SCML1: variants seen among roughly 807,000 people sequenced by gnomAD.
The protein encoded by SCML1 is sex comb on midleg-like protein 1.
For synonymous variants in SCML1, 104 were observed against 103.6 expected, an observed-to-expected ratio of 1.00 and a Z score of -0.02; for missense variants, 137 against 258.1, an observed-to-expected ratio of 0.53 and a Z score of 3.22.
intron 7 of SCML1, among the ~76,000 whole-genome samples, chrX:17,752,784 C>G (rs2066724555): frequency 9.0e-6 from 1 of 111,526 alleles, no homozygotes; most frequent in Admixed American, 9.5e-5. Context: ...GTTTTAGCAT[C>G]TAATTAGTTT....
Position 17,744,125 on chromosome X carries a change from A to G in SCML1, c.-62A>G, listed in dbSNP as rs2066623927. On this transcript the variant is annotated 5_prime_UTR_variant, in exon 2 of 8. Coordinates refer to ENST00000380041, the MANE Select transcript of SCML1 (RefSeq NM_001037540.3). ...AAGCAGTATCACAAATAAACCCTCC[A>G]GCAAGTTTAAAAATAATTAGGTCCA... is the stretch of plus-strand genomic sequence containing the variant. 3 of 1,023,647 alleles carry G rather than the reference A, an allele frequency of 2.9e-6. No homozygotes were observed. Among genetic ancestry groups the G allele is most frequent in the Non-Finnish European group, 4.1e-6 (3 of 728,170 alleles). The allele number at this position is 1,023,647 out of a possible 1,213,427, so 84.4% of individuals were successfully genotyped here. A position where few individuals can be genotyped will look rare whatever the true frequency, so the allele number is the denominator to read the frequency against.
intron 5 of SCML1, 153 bp from the exon 6 acceptor site, chrX:17,749,741 T>C: frequency 1.8e-6 from 1 of 550,665 alleles, no homozygotes; most frequent in Non-Finnish European, 2.9e-6. Context: ...ACAATTAAAA[T>C]GTAGGATTGA....
rs140657854 is a variant in SCML1, at chrX:17,745,335, G to A, written c.34-121G>A. On this transcript the variant is annotated intron_variant, in intron 2 of 7. Transcript: ENST00000380041. Reference sequence around the variant, plus strand: ...GTCATAGTATTTACAGTGAGCAAAGGTCCTTTGATATCACAAATAGGCCTT... The same window carrying A: ...GTCATAGTATTTACAGTGAGCAAAGATCCTTTGATATCACAAATAGGCCTT... 9.8e-3 allele frequency: 4,620 copies of A among 471,679 alleles called. 146 individuals carry two copies. Among genetic ancestry groups the A allele is most frequent in the African/African-American group, 0.093 (3,760 of 40,421 alleles). 38.9% of individuals were successfully genotyped at this position (471,679 alleles called of 1,213,427 possible).
chrX:17,751,089 A>G, intron 6 of SCML1, among the ~76,000 whole-genome samples: 1 of 112,520 alleles, frequency 8.9e-6, no homozygotes, highest in South Asian at 3.7e-4. Flanking sequence ...CTCTATTACT[A>G]TGCAATTAAA....
chrX:17,745,348 A>C, intron 2 of SCML1, 108 bp from the exon 3 acceptor site: 1 of 486,898 alleles, frequency 2.1e-6, no homozygotes, highest in Non-Finnish European at 3.6e-6. Flanking sequence ...CTTTGATATC[A>C]CAAATAGGCC....
chrX:17,751,329 G>A (rs1244672368), intron 6 of SCML1, among the ~76,000 whole-genome samples: 1 of 111,944 alleles, frequency 8.9e-6, no homozygotes, highest in Admixed American at 9.4e-5. Flanking sequence ...TGATTAAAAG[G>A]AACAAATTTA....
In SCML1 at chrX:17,739,012, G is replaced by T. The variant is rs747504699; in HGVS notation, c.-117+1332G>T. Among the ~76,000 whole-genome samples the T allele has an allele frequency of 4.4e-5, 5 of 112,432 alleles. No individual in the cohort carries two copies. The East Asian group carries it at 8.3e-4, about 19-fold the overall frequency. Reference sequence around the variant, plus strand: ...GTTTAAATTTCTGTGGTAAATACAAGTGAGTTTCATTTTAAGTAAACTCAT... The same window carrying T: ...GTTTAAATTTCTGTGGTAAATACAATTGAGTTTCATTTTAAGTAAACTCAT... On this transcript the variant is annotated intron_variant, in intron 1 of 7. Coordinates refer to ENST00000380041, the MANE Select transcript of SCML1 (RefSeq NM_001037540.3).
rs749205560 is a variant in SCML1, at chrX:17,751,840, C to T, written c.729C>T (p.Asp243=). The change falls in exon 7 of 8, where the codon GAC becomes GAT. Residue 243 remains aspartate, a synonymous_variant. Coordinates refer to ENST00000380041, the MANE Select transcript of SCML1 (RefSeq NM_001037540.3). ...PSVTRSPVEN[D]GYIEEGSITK... ...TTACAAGGTCACCAGTTGAAAATGA[C>T]GGTTACATAGAGGAAGGAAGCATCA... 9.9e-6 allele frequency: 12 copies of T among 1,208,265 alleles called. No homozygotes were observed. The African/African-American group carries it at 1.8e-4, about 18-fold the overall frequency.
intron 4 of SCML1, among the ~76,000 whole-genome samples, chrX:17,747,552 T>C (rs2066654273): frequency 8.9e-6 from 1 of 111,959 alleles, no homozygotes. Context: ...AGCCCTTCCA[T>C]GCATCCTCAC....
chrX:17,743,983 A>G (rs2147168125), intron 1 of SCML1, 88 bp from the exon 2 acceptor site: 4 of 331,852 alleles, frequency 1.2e-5, no homozygotes, highest in Middle Eastern at 4.2e-4. Flanking sequence ...CCAAAGTCCA[A>G]TTCTATTTGA....
chrX:17,745,478 A>G lies in SCML1; in HGVS notation c.56A>G (p.Tyr19Cys). The G allele has an allele frequency of 8.5e-7, 1 of 1,175,256 alleles. No individual in the cohort carries two copies. Among genetic ancestry groups the G allele is most frequent in the Non-Finnish European group, 1.2e-6 (1 of 866,991 alleles). The change falls in exon 3 of 8, where the codon TAC (tyrosine) becomes TGC (cysteine). Residue 19 changes from tyrosine (Y) to cysteine (C), a missense_variant. Transcript: ENST00000380041. ...CAGATAAAAACAAGAATACCTACTT[A>G]CGATGAAGATGACAACACTATTCTT... ...IDVIKTRIPT[Y>C]DEDDNTILYA...
At chrX:17,746,948 T>C (rs2066648014) in intron 4 of SCML1, among the ~76,000 whole-genome samples, 1 of 112,286 alleles carries the variant, frequency 8.9e-6, no homozygotes, top group Non-Finnish European at 1.9e-5. Context: ...AGGGGCTGGC[T>C]CTTTCTTCCC....
At position 17,740,439 on chromosome X, in the gene SCML1, A is replaced by G. The variant is rs2066583992; in HGVS notation, c.-117+2759A>G. 2.7e-5 allele frequency among the ~76,000 whole-genome samples: 3 copies of G among 111,236 alleles called. No individual in the cohort carries two copies. In the Admixed American group the frequency reaches 2.8e-4, roughly 11 times the overall value. ...TGCCATGCATTACTCTAAGCACTTG[A>G]CATGTATTAATTTAATCCTCACGAT... On this transcript the variant is annotated intron_variant, in intron 1 of 7. Transcript: ENST00000380041.
chrX:17,742,991 G>A (rs1056366734), intron 1 of SCML1, among the ~76,000 whole-genome samples: 11 of 112,176 alleles, frequency 9.8e-5, no homozygotes, highest in African/African-American at 2.6e-4. Flanking sequence ...GTATACAGCA[G>A]TAGTTGGTTT....
intron 4 of SCML1, among the ~76,000 whole-genome samples, chrX:17,749,025 A>G (rs889020041): frequency 8.9e-6 from 1 of 112,727 alleles, no homozygotes; most frequent in Middle Eastern, 4.6e-3. Flanking sequence ...TTACATATGT[A>G]TATCATAAAG....
At chrX:17,749,769 A>G (rs980755328) in intron 5 of SCML1, 125 bp from the exon 6 acceptor site, 1 of 643,290 alleles carries the variant, frequency 1.6e-6, no homozygotes, top group South Asian at 3.0e-5. Flanking sequence ...TATAATCAAA[A>G]GGGACCATTT....
At chrX:17,745,368 GC>G (rs1474392407) in intron 2 of SCML1, 87 bp from the exon 3 acceptor site, 5 of 536,478 alleles carry the variant, frequency 9.3e-6, no homozygotes, top group Non-Finnish European at 1.6e-5. Flanking sequence ...CTTTGTAACA[GC>G]CTCTTGAAAG....
In SCML1 at chrX:17,754,739, CA is replaced by C. The variant is rs1455501465; in HGVS notation, c.*1349del. 8.9e-6 allele frequency: 1 copy of C among 112,695 alleles called. No homozygotes were observed. Among genetic ancestry groups the C allele is most frequent in the Non-Finnish European group, 1.9e-5 (1 of 53,291 alleles). The allele number at this position is 112,695 out of a possible 1,213,427, so 9.3% of individuals were successfully genotyped here. A position where few individuals can be genotyped will look rare whatever the true frequency, so the allele number is the denominator to read the frequency against. On this transcript the variant is annotated 3_prime_UTR_variant, in exon 8 of 8. Coordinates refer to ENST00000380041, the MANE Select transcript of SCML1 (RefSeq NM_001037540.3). Reference sequence around the variant, plus strand: ...ATGTCAAGAAAATGTTCACCAGATGCAAGAATGTACCTTTTCTTTTTAGAAA... The same window carrying C: ...ATGTCAAGAAAATGTTCACCAGATGCAGAATGTACCTTTTCTTTTTAGAAA...
intron 1 of SCML1, among the ~76,000 whole-genome samples, chrX:17,738,256 A>T (rs1231023719): frequency 8.9e-6 from 1 of 111,768 alleles, no homozygotes; most frequent in Non-Finnish European, 1.9e-5. Flanking sequence ...GGAGTGGGGG[A>T]GGCCGTCGAG....
Sources: allele counts gnomAD v4.1 joint callset (sites outside exome capture counted in the v4.1 genomes callset), GRCh38; gene constraint gnomAD v4.1.1; transcripts MANE v1.5; gene names NCBI Gene and HGNC (gene_info 2026-07-23, HGNC 2026-07-21).